Variants in SLAMF1 observed in about 807,000 individuals in gnomAD.
SLAMF1 encodes the protein signaling lymphocytic activation molecule family member 1.
Under a neutral mutation model 35.1 loss-of-function variants are expected in SLAMF1, and 18 were observed. That is an observed-to-expected ratio of 0.51 (90% CI 0.35 to 0.76). The LOEUF (loss-of-function observed/expected upper bound fraction) is 0.76, where lower values mean the gene tolerates loss of function less well. Ranked by LOEUF, SLAMF1 falls within the 30% of genes least tolerant of loss-of-function variation. SLAMF1 has a pLI of 0.01. For synonymous variants in SLAMF1, 168 were observed against 157.2 expected (o/e 1.07, Z -0.51); for missense variants, 392 against 413.0 (o/e 0.95, Z 0.44).
At chr1:160,621,982 A>G (rs1426561769) in intron 4 of SLAMF1, among the ~76,000 whole-genome samples, 1 of 152,048 alleles carries the variant, frequency 6.6e-6, no homozygotes, top group Non-Finnish European at 1.5e-5. Flanking sequence ...ATGCCTGCCC[A>G]GCACTCTCCT....
chr1:160,637,438 C>T lies in SLAMF1; in HGVS notation c.168G>A (p.Met56Ile), dbSNP rs1175911380. The T allele has an allele frequency of 1.2e-6, 2 of 1,614,024 alleles. No homozygotes were observed. The highest frequency in any genetic ancestry group is 1.7e-6 in the Non-Finnish European group (2 of 1,180,010). The change falls in exon 2 of 7, where the codon ATG becomes ATA. Residue 56 changes from methionine to isoleucine, a missense_variant. Met to Ile is a conservative substitution (Grantham distance 10, BLOSUM62 1). Transcript: ENST00000302035. ...PLTYERINKS[M>I]NKSIHIVVTM... is the part of the protein sequence containing the mutation. ...TGACGACAATGTGGATGCTTTTGTT[C>T]ATGCTCTTATTTATCCTTTCATATG...
chr1:160,623,671 C>A, intron 4 of SLAMF1: 1 of 400,154 alleles, frequency 2.5e-6, no homozygotes, highest in Non-Finnish European at 4.4e-6. Context: ...GGCACTTCAA[C>A]TGCAGGGGAA....
At chr1:160,634,994 T>C (rs2102338125) in intron 2 of SLAMF1, 97 bp from the exon 3 acceptor site, 1 of 1,052,340 alleles carries the variant, frequency 9.5e-7, no homozygotes, top group Non-Finnish European at 1.4e-6. Context: ...CTAATGGCAT[T>C]TTCCCTCCCC....
intron 3 of SLAMF1, among the ~76,000 whole-genome samples, chr1:160,626,279 C>T (rs980003968): frequency 3.9e-5 from 6 of 152,286 alleles, no homozygotes; most frequent in Middle Eastern, 6.8e-3. Flanking sequence ...CGCCCGACGC[C>T]GGTTGCTCTG....
chr1:160,629,322 T>TCC (rs1491221387), intron 3 of SLAMF1, among the ~76,000 whole-genome samples: 2 of 151,878 alleles, frequency 1.3e-5, no homozygotes, highest in African/African-American at 4.8e-5. Context: ...TCTCTCTCTC[T>TCC]TCTCAAGTCC....
At chr1:160,620,091 T>A (rs1308864451) in intron 4 of SLAMF1, among the ~76,000 whole-genome samples, 1 of 152,248 alleles carries the variant, frequency 6.6e-6, no homozygotes. Flanking sequence ...TTGTGATAAT[T>A]AAATGAGATA....
intron 3 of SLAMF1, among the ~76,000 whole-genome samples, chr1:160,633,691 G>A (rs1430756480): frequency 2.0e-5 from 3 of 152,202 alleles, no homozygotes; most frequent in Non-Finnish European, 4.4e-5. Flanking sequence ...TTAGTGAAAA[G>A]GGCCTGTGTT....
At position 160,608,627 on chromosome 1, in the gene SLAMF1, C is replaced by T. The variant is rs1312746095; in HGVS notation, c.*2121G>A. ...GCAGGATACTTGGAAGTGATAGCCT[C>T]TTCTTCACCCTTTGTTTCTGCCCTT... On this transcript the variant is annotated 3_prime_UTR_variant, in exon 7 of 7. Transcript: ENST00000302035. 1 of 152,204 alleles carries T rather than the reference C, an allele frequency of 6.6e-6. No individual in the cohort carries two copies. The highest frequency in any genetic ancestry group is 1.5e-5 in the Non-Finnish European group (1 of 68,060). 9.4% of individuals were successfully genotyped at this position (152,204 alleles called of 1,614,324 possible).
rs754453326 is a variant in SLAMF1 at position 160,634,680 on chromosome 1, C to T, written c.633G>A (p.Val211=). 4 of 1,613,962 alleles carry T rather than the reference C, an allele frequency of 2.5e-6. No individual in the cohort carries two copies. Among genetic ancestry groups the T allele is most frequent in the African/African-American group, 1.3e-5 (1 of 74,884 alleles). Residue 211 remains valine, a synonymous_variant, in exon 3 of 7, where the codon GTG becomes GTA. Transcript: ENST00000302035. ...QHADNIYICT[V]SNPISNNSQT... is the part of the protein sequence containing the mutation. ...GGGAATTGTTGCTGATAGGGTTGCTCACGGTGCAGATGTAGATATTGTCAG... is the reference window on the plus strand; with the variant it reads ...GGGAATTGTTGCTGATAGGGTTGCTTACGGTGCAGATGTAGATATTGTCAG...
At chr1:160,631,419 C>T (rs189592215) in intron 3 of SLAMF1, among the ~76,000 whole-genome samples, 7 of 152,292 alleles carry the variant, frequency 4.6e-5, no homozygotes, top group Admixed American at 4.6e-4. Flanking sequence ...ATAGCGTCTT[C>T]ACAGAGTTAA....
intron 3 of SLAMF1, among the ~76,000 whole-genome samples, chr1:160,632,683 C>T (rs187197551): frequency 6.6e-6 from 1 of 152,084 alleles, no homozygotes; most frequent in Non-Finnish European, 1.5e-5. Context: ...TGTTTTTGTA[C>T]TCTAATAGGG....
intron 3 of SLAMF1, 105 bp downstream of exon 3, chr1:160,634,508 G>A (rs201187180): frequency 2.1e-6 from 3 of 1,423,420 alleles, no homozygotes; most frequent in Non-Finnish European, 2.8e-6. Flanking sequence ...AAAATGTAAA[G>A]TATTGTTACT....
At chr1:160,628,524 T>C (rs1396958950) in intron 3 of SLAMF1, among the ~76,000 whole-genome samples, 2 of 152,232 alleles carry the variant, frequency 1.3e-5, no homozygotes, top group Non-Finnish European at 2.9e-5. Flanking sequence ...TTAAATATTA[T>C]ATTTTTCTAG....
intron 4 of SLAMF1, 70 bp from the exon 5 acceptor site, chr1:160,619,919 C>G: frequency 9.9e-7 from 1 of 1,007,058 alleles, no homozygotes; most frequent in East Asian, 2.4e-5. Flanking sequence ...CAGACCTGGT[C>G]TTTACTGTCC....
intron 3 of SLAMF1, among the ~76,000 whole-genome samples, chr1:160,627,804 C>G (rs1245001278): frequency 1.3e-5 from 2 of 152,120 alleles, no homozygotes; most frequent in Non-Finnish European, 2.9e-5. Context: ...AAGGTTTAGT[C>G]ACTTCATCAG....
chr1:160,615,269 T>C (rs1659231016), intron 5 of SLAMF1, among the ~76,000 whole-genome samples: 2 of 152,056 alleles, frequency 1.3e-5, no homozygotes, highest in South Asian at 4.1e-4. Context: ...GTGTTTAAAA[T>C]ATATATGAAA....
intron 4 of SLAMF1, among the ~76,000 whole-genome samples, chr1:160,622,702 A>G (rs941789677): frequency 8.5e-5 from 13 of 152,202 alleles, no homozygotes; most frequent in African/African-American, 2.7e-4. Context: ...TGTTTTGCAG[A>G]CGAGAAGTTA....
intron 1 of SLAMF1, among the ~76,000 whole-genome samples, chr1:160,644,614 T>C (rs1660931859): frequency 6.6e-6 from 1 of 152,224 alleles, no homozygotes; most frequent in African/African-American, 2.4e-5. Context: ...GCACAGTGGC[T>C]GCCACATCAT....
At chr1:160,621,483 C>G (rs1427344968) in intron 4 of SLAMF1, among the ~76,000 whole-genome samples, 1 of 149,824 alleles carries the variant, frequency 6.7e-6, no homozygotes, top group Admixed American at 6.7e-5. Flanking sequence ...TGCTTGAGCC[C>G]AGGAGACAGA....
Sources: allele counts gnomAD v4.1 joint callset (sites outside exome capture counted in the v4.1 genomes callset), GRCh38; gene constraint gnomAD v4.1.1; transcripts MANE v1.5; gene names NCBI Gene and HGNC (gene_info 2026-07-23, HGNC 2026-07-21).